The following RASGRF1 variants were observed in gnomAD, a reference collection of about 807,000 sequenced individuals.
RASGRF1 encodes ras-specific guanine nucleotide-releasing factor 1.
RASGRF1 carries 40 observed loss-of-function variants against 138.7 expected under a neutral mutation model. The observed-to-expected ratio is 0.29, with a 90% CI of 0.22 to 0.38. The LOEUF is 0.38. Ranked by LOEUF, RASGRF1 falls within the 10% of genes least tolerant of loss-of-function variation. The probability of loss-of-function intolerance (pLI) is 1.00; values close to 1 mark genes in which losing one functional copy is unlikely to be tolerated. For missense variants in RASGRF1, 1,108 were observed against 1,650.4 expected, an observed-to-expected ratio of 0.67 and a Z score of 5.69; for synonymous variants, 614 against 663.2, an observed-to-expected ratio of 0.93 and a Z score of 1.14.
At chr15:79,044,157 G>A (rs2057330019) in intron 5 of RASGRF1, among the ~76,000 whole-genome samples, 1 of 152,196 alleles carries the variant, frequency 6.6e-6, no homozygotes, top group Admixed American at 6.5e-5. Flanking sequence ...CATGGCAGAG[G>A]GGCTGAGTTT....
At chr15:79,041,943 C>T (rs999327763) in intron 5 of RASGRF1, among the ~76,000 whole-genome samples, 8 of 152,166 alleles carry the variant, frequency 5.3e-5, no homozygotes, top group South Asian at 2.1e-4. Flanking sequence ...AATCAGTCAG[C>T]GCAGGAAGCA....
intron 1 of RASGRF1, among the ~76,000 whole-genome samples, chr15:79,069,467 T>A (rs1378562509): frequency 6.6e-6 from 1 of 152,196 alleles, no homozygotes; most frequent in Non-Finnish European, 1.5e-5. Context: ...CAATGTAGAC[T>A]CACCCCAAAT....
Position 78,961,845 on chromosome 15 carries a change from T to G in RASGRF1, c.*299A>C. 3.9e-6 allele frequency: 1 copy of G among 257,694 alleles called. No individual in the cohort carries two copies. Among genetic ancestry groups the G allele is most frequent in the Non-Finnish European group, 7.4e-6 (1 of 134,384 alleles). The allele number at this position is 257,694 out of a possible 1,614,324, so 16.0% of individuals were successfully genotyped here. A position where few individuals can be genotyped will look rare whatever the true frequency, so the allele number is the denominator to read the frequency against. On this transcript the variant is annotated 3_prime_UTR_variant, in exon 27 of 27. Transcript: ENST00000558480. ...AAGCAGGACTGGAGTCTAAGATTCTTGTATGCAAGGGTGCTGTTTCCCCTC... is the reference window on the plus strand; with the variant it reads ...AAGCAGGACTGGAGTCTAAGATTCTGGTATGCAAGGGTGCTGTTTCCCCTC...
intron 26 of RASGRF1, among the ~76,000 whole-genome samples, chr15:78,964,059 CTT>C (rs1567411209): frequency 6.6e-6 from 1 of 151,536 alleles, no homozygotes; most frequent in African/African-American, 2.4e-5. Context: ...CTTGACCTGA[CTT>C]GGCTAAGTCA....
intron 3 of RASGRF1, among the ~76,000 whole-genome samples, chr15:79,055,592 A>T (rs571267362): frequency 1.9e-4 from 29 of 151,566 alleles, no homozygotes; most frequent in Non-Finnish European, 3.1e-4. Flanking sequence ...ACACACACAC[A>T]CTCTCTCACT....
chr15:79,053,629 G>A (rs1384270695), intron 3 of RASGRF1, among the ~76,000 whole-genome samples: 2 of 152,232 alleles, frequency 1.3e-5, no homozygotes, highest in Non-Finnish European at 2.9e-5. Flanking sequence ...AGGGAGAGAA[G>A]AGACTAAGTC....
At chr15:78,988,599 G>A (rs1452414771) in intron 22 of RASGRF1, among the ~76,000 whole-genome samples, 1 of 152,250 alleles carries the variant, frequency 6.6e-6, no homozygotes, top group Non-Finnish European at 1.5e-5. Flanking sequence ...CCCAGGATAT[G>A]GTGTGCTGGC....
rs941037876 is a variant in RASGRF1, at chr15:79,059,991, G to GACACAC, written c.384-1516_384-1511dup. Among the ~76,000 whole-genome samples the GACACAC allele has an allele frequency of 7.6e-4, 24 of 31,574 alleles. No individual in the cohort carries two copies. In the South Asian group the frequency reaches 0.013, roughly 17 times the overall value. The allele number at this position is 31,574 out of a possible 152,430, so 20.7% of individuals were successfully genotyped here. On this transcript the variant is annotated intron_variant, in intron 2 of 26. Coordinates refer to ENST00000558480, the MANE Select transcript of RASGRF1 (RefSeq NM_001145648.3). ...ACACACACACACACACAGACACACA[G>GACACAC]ACACACACACACACACACACACACA... is the stretch of plus-strand genomic sequence containing the variant.
At position 79,027,700 on chromosome 15, in the gene RASGRF1, C is replaced by T; in HGVS notation, c.1381+41G>A. The stretch of plus-strand genomic sequence containing the variant: ...CCGCCTCCCTCCCGCTGCTGGGGCC[C>T]ACCTGGTGGGGGCAGGGGAGACAGG... On this transcript the variant is annotated intron_variant, in intron 9 of 26. Transcript: ENST00000558480. The surrounding 1 kb of genome is among the most constrained non-coding windows in gnomAD (Gnocchi z 4.8). The T allele has an allele frequency of 6.3e-7, 1 of 1,589,448 alleles. No homozygotes were observed.
Position 79,006,468 on chromosome 15 carries a change from G to A in RASGRF1, c.1827-34C>T. ...GGAGGAAGGATGCAGAGGTGATGTG[G>A]GTCTAAAGGCATCTGAATGGCACCC... On this transcript the variant is annotated intron_variant, in intron 13 of 26. Coordinates refer to ENST00000558480, the MANE Select transcript of RASGRF1 (RefSeq NM_001145648.3). This position sits in a 1 kb window ranked among gnomAD's most constrained non-coding sequence, Gnocchi z 4.0. The A allele has an allele frequency of 6.3e-7, 1 of 1,590,820 alleles. No homozygotes were observed. The highest frequency in any genetic ancestry group is 1.1e-5 in the South Asian group (1 of 89,214).
At chr15:78,966,412 T>C (rs980842243) in intron 26 of RASGRF1, among the ~76,000 whole-genome samples, 1 of 142,568 alleles carries the variant, frequency 7.0e-6, no homozygotes, top group Non-Finnish European at 1.5e-5. Context: ...AATGTTTTTA[T>C]TTTTTTGTAG....
intron 3 of RASGRF1, among the ~76,000 whole-genome samples, chr15:79,052,478 T>C (rs1238797948): frequency 6.6e-6 from 1 of 152,200 alleles, no homozygotes; most frequent in Non-Finnish European, 1.5e-5. Context: ...TTTCCCTTTG[T>C]GCCAACCTTA....
chr15:79,025,174 G>T (rs1045054532), intron 10 of RASGRF1, 140 bp downstream of exon 10: 58 of 908,118 alleles, frequency 6.4e-5, no homozygotes, highest in Non-Finnish European at 8.1e-5. Flanking sequence ...ACTATGGGTT[G>T]TGTGTATATC....
chr15:79,054,716 A>G (rs1403747053), intron 3 of RASGRF1, among the ~76,000 whole-genome samples: 2 of 152,188 alleles, frequency 1.3e-5, no homozygotes, highest in Non-Finnish European at 2.9e-5. Context: ...TCAGTAATCA[A>G]CCTCTGTTGT....
At chr15:79,015,442 C>A (rs114942718) in intron 12 of RASGRF1, 33 bp from the exon 13 acceptor site, 2 of 1,582,304 alleles carry the variant, frequency 1.3e-6, no homozygotes, top group Non-Finnish European at 8.7e-7. Flanking sequence ...AGGGTCAGAG[C>A]TCTCCATTCC....
At position 79,006,411 on chromosome 15, in the gene RASGRF1, T is replaced by C; in HGVS notation, c.1850A>G (p.Asp617Gly). ...MIKSDASLYC[D>G]DVDIRFSKTM... ...TTTGCTGAAGCGAATGTCAACATCA[T>C]CACAATATAAGGAGGCGTCGGACCT... Residue 617 changes from aspartate (D) to glycine (G), a missense_variant, in exon 14 of 27, where the codon GAT (aspartate) becomes GGT (glycine). Transcript: ENST00000558480. The surrounding 1 kb of genome is among the most constrained non-coding windows in gnomAD (Gnocchi z 4.0). The C allele has an allele frequency of 6.2e-7, 1 of 1,613,644 alleles. No homozygotes were observed. Among genetic ancestry groups the C allele is most frequent in the Non-Finnish European group, 8.5e-7 (1 of 1,179,932 alleles).
intron 1 of RASGRF1, among the ~76,000 whole-genome samples, chr15:79,068,510 T>G (rs539961097): frequency 6.7e-6 from 1 of 149,122 alleles, no homozygotes; most frequent in South Asian, 2.1e-4. Flanking sequence ...CACACGTATA[T>G]TTATATGTAT....
In RASGRF1 at chr15:79,021,810, A is replaced by T. The variant is rs182277667; in HGVS notation, c.1543-1706T>A. Reference sequence around the variant, plus strand: ...TCCGTCTCAGTGGGCTGTTCTGGGAATTAAATATACATAATGTATTTGAGC... The same window carrying T: ...TCCGTCTCAGTGGGCTGTTCTGGGATTTAAATATACATAATGTATTTGAGC... On this transcript the variant is annotated intron_variant, in intron 10 of 26. Transcript: ENST00000558480. Among the ~76,000 whole-genome samples, 367 of 152,328 alleles carry T rather than the reference A, an allele frequency of 2.4e-3. 5 individuals are homozygous for T. The highest frequency in any genetic ancestry group is 0.01 in the Middle Eastern group (3 of 294).
chr15:78,980,738 C>A, intron 23 of RASGRF1, 39 bp from the exon 24 acceptor site: 2 of 1,443,054 alleles, frequency 1.4e-6, no homozygotes, highest in South Asian at 1.2e-5. Context: ...ACACAGCACA[C>A]GCTGTGATCC....
Sources: gnomAD v4.1 joint callset for allele counts (sites outside exome capture counted in the v4.1 genomes callset) on GRCh38, gnomAD v4.1.1 for gene constraint, Gnocchi (gnomAD v3.1) non-coding constraint, MANE v1.5 for transcripts, NCBI Gene and HGNC (gene_info 2026-07-23, HGNC 2026-07-21) for gene names.